The following VSNL1 variants were observed in gnomAD, a reference collection of about 807,000 sequenced individuals.
VSNL1 encodes visinin-like protein 1.
A neutral mutation model predicts 20.4 loss-of-function variants in VSNL1; 6 were observed. The observed-to-expected ratio is 0.29, with a 90% CI of 0.16 to 0.58. The LOEUF is 0.58. VSNL1 is among the 20% of genes least tolerant of loss of function. The probability of loss-of-function intolerance (pLI) is 0.90; values close to 1 mark genes in which losing one functional copy is unlikely to be tolerated. For synonymous variants in VSNL1, 93 were observed against 86.4 expected, an observed-to-expected ratio of 1.08 and a Z score of -0.42; for missense variants, 100 against 234.5, an observed-to-expected ratio of 0.43 and a Z score of 3.75.
Position 17,601,899 on chromosome 2 carries a change from G to A in VSNL1, c.162+9663G>A, listed in dbSNP as rs1002137768. 8.5e-5 allele frequency among the ~76,000 whole-genome samples: 13 copies of A among 152,140 alleles called. No homozygotes were observed. The East Asian group carries it at 1.3e-3, about 16-fold the overall frequency. On this transcript the variant is annotated intron_variant, in intron 2 of 3. Coordinates refer to ENST00000295156, the MANE Select transcript of VSNL1 (RefSeq NM_003385.5). ...TGCAGTGAGCCGAGATTGTGCCACC[G>A]CACTCCAGCCTGAATGACAGAGCGA...
chr2:17,612,806 C>T (rs907643740), intron 2 of VSNL1, among the ~76,000 whole-genome samples: 13 of 152,146 alleles, frequency 8.5e-5, no homozygotes, highest in East Asian at 1.9e-4. Context: ...GTTTCCCAGA[C>T]GGTGGATGTG....
intron 1 of VSNL1, among the ~76,000 whole-genome samples, chr2:17,583,751 G>A (rs1664404116): frequency 6.6e-6 from 1 of 152,192 alleles, no homozygotes; most frequent in Admixed American, 6.5e-5. Context: ...GCACTTTTAT[G>A]TAAAGGAAGG....
At chr2:17,627,927 G>C (rs772770282) in intron 2 of VSNL1, among the ~76,000 whole-genome samples, 3 of 152,236 alleles carry the variant, frequency 2.0e-5, no homozygotes, top group Admixed American at 6.5e-5. Context: ...TCCAAAGCTA[G>C]TTCGGCCTAT....
intron 1 of VSNL1, among the ~76,000 whole-genome samples, chr2:17,581,434 T>A (rs1047807451): frequency 8.5e-5 from 13 of 152,258 alleles, no homozygotes; most frequent in African/African-American, 3.1e-4. Flanking sequence ...TTTAATGGCT[T>A]CATAATTTCC....
chr2:17,607,517 T>C (rs1270590541), intron 2 of VSNL1, among the ~76,000 whole-genome samples: 1 of 152,196 alleles, frequency 6.6e-6, no homozygotes, highest in Non-Finnish European at 1.5e-5. Flanking sequence ...TCTTCCTTTG[T>C]AAAGAGAGGG....
chr2:17,588,482 G>T (rs1045949726), intron 1 of VSNL1, among the ~76,000 whole-genome samples: 6 of 152,158 alleles, frequency 3.9e-5, no homozygotes, highest in African/African-American at 1.4e-4. Context: ...TCTTTATTGG[G>T]AATGTGATAA....
intron 1 of VSNL1, among the ~76,000 whole-genome samples, chr2:17,563,794 A>C (rs1393420254): frequency 6.6e-6 from 1 of 152,196 alleles, no homozygotes; most frequent in Non-Finnish European, 1.5e-5. Flanking sequence ...ATCTAGAAAA[A>C]AATTAAAGTA....
chr2:17,627,407 G>C (rs531639811), intron 2 of VSNL1, among the ~76,000 whole-genome samples: 2 of 152,336 alleles, frequency 1.3e-5, no homozygotes, highest in Admixed American at 6.5e-5. Context: ...GATTTATCAA[G>C]ACACGGGAAT....
At chr2:17,632,241 C>A (rs1418828253) in intron 2 of VSNL1, among the ~76,000 whole-genome samples, 2 of 152,066 alleles carry the variant, frequency 1.3e-5, no homozygotes, top group Admixed American at 6.5e-5. Context: ...AATAAATACA[C>A]ATTGAATCAA....
In VSNL1 at chr2:17,655,606, AAAAC is replaced by A. The variant is rs544767250; in HGVS notation, c.*219_*222del. The stretch of plus-strand genomic sequence containing the variant: ...TGAATTTTAAAAGCATATATAAAAC[AAAAC>A]AAACAACCTGCCACAATGTGATATG... On this transcript the variant is annotated 3_prime_UTR_variant, in exon 4 of 4. Transcript: ENST00000295156. The surrounding 1 kb of genome is among the most constrained non-coding windows in gnomAD (Gnocchi z 5.2). The A allele has an allele frequency of 3.6e-5, 19 of 527,518 alleles. No individual in the cohort carries two copies. Among genetic ancestry groups the A allele is most frequent in the South Asian group, 2.1e-4 (8 of 38,110 alleles). The allele number at this position is 527,518 out of a possible 1,614,324, so 32.7% of individuals were successfully genotyped here. A position where few individuals can be genotyped will look rare whatever the true frequency, so the allele number is the denominator to read the frequency against.
intron 1 of VSNL1, among the ~76,000 whole-genome samples, chr2:17,571,503 C>A (rs1028887608): frequency 6.6e-6 from 1 of 152,060 alleles, no homozygotes; most frequent in Non-Finnish European, 1.5e-5. Flanking sequence ...ATGAAATGAA[C>A]ACATTTATAT....
intron 1 of VSNL1, among the ~76,000 whole-genome samples, chr2:17,543,161 T>C (rs1663329150): frequency 6.6e-6 from 1 of 152,208 alleles, no homozygotes; most frequent in Non-Finnish European, 1.5e-5. Flanking sequence ...CTCTCTTTTT[T>C]ATTGCCCCTC....
chr2:17,636,692 T>G (rs907759957), intron 2 of VSNL1, among the ~76,000 whole-genome samples: 10 of 150,912 alleles, frequency 6.6e-5, no homozygotes, highest in Non-Finnish European at 1.5e-4. Context: ...TTGAATATAA[T>G]GGGTTCAATG....
intron 1 of VSNL1, among the ~76,000 whole-genome samples, chr2:17,571,555 A>T (rs1006084879): frequency 2.6e-5 from 4 of 152,220 alleles, no homozygotes; most frequent in African/African-American, 9.6e-5. Context: ...GCCTATTTTT[A>T]AAAATGATCA....
chr2:17,632,400 A>G (rs1256091185), intron 2 of VSNL1, among the ~76,000 whole-genome samples: 1 of 152,076 alleles, frequency 6.6e-6, no homozygotes, highest in Non-Finnish European at 1.5e-5. Flanking sequence ...TCCCGGGTTC[A>G]AGTGATTCTC....
intron 2 of VSNL1, among the ~76,000 whole-genome samples, chr2:17,631,739 C>T (rs1414119394): frequency 6.6e-6 from 1 of 152,154 alleles, no homozygotes; most frequent in Non-Finnish European, 1.5e-5. Context: ...TATTTAAAGC[C>T]AGTGACCTAA....
chr2:17,583,687 T>C (rs1380215114), intron 1 of VSNL1, among the ~76,000 whole-genome samples: 2 of 152,186 alleles, frequency 1.3e-5, no homozygotes, highest in African/African-American at 2.4e-5. Context: ...GGTTGATGCT[T>C]AGTTGGGGCT....
At chr2:17,643,596 C>A (rs938162727) in intron 2 of VSNL1, among the ~76,000 whole-genome samples, 1 of 152,168 alleles carries the variant, frequency 6.6e-6, no homozygotes, top group Non-Finnish European at 1.5e-5. Context: ...CCAGAGATTA[C>A]AGCAATGGCA....
chr2:17,566,163 T>A (rs80023942), intron 1 of VSNL1, among the ~76,000 whole-genome samples: 5,034 of 152,322 alleles, frequency 0.033, 89 homozygotes, highest in East Asian at 0.098. Context: ...TTTATTCCCT[T>A]TTTGATGAAC....
Sources: gnomAD v4.1 joint callset for allele counts (sites outside exome capture counted in the v4.1 genomes callset) on GRCh38, gnomAD v4.1.1 for gene constraint, Gnocchi (gnomAD v3.1) non-coding constraint, MANE v1.5 for transcripts, NCBI Gene and HGNC (gene_info 2026-07-23, HGNC 2026-07-21) for gene names.